THSD7B: variants seen among roughly 807,000 people sequenced by gnomAD.
THSD7B encodes thrombospondin type 1 domain containing 7B.
A neutral mutation model predicts 213.6 loss-of-function variants in THSD7B; 138 were observed. The ratio of observed to expected loss-of-function variants is 0.65; its 90% CI spans 0.56 to 0.74. The LOEUF (loss-of-function observed/expected upper bound fraction) is 0.74. Ranked by LOEUF, THSD7B falls within the 30% of genes least tolerant of loss-of-function variation. The pLI is 0.00. For missense variants in THSD7B, 1,931 were observed against 1,991.5 expected, an observed-to-expected ratio of 0.97 and a Z score of 0.58; for synonymous variants, 742 against 687.0, an observed-to-expected ratio of 1.08 and a Z score of -1.25.
At chr2:137,242,703 T>C in intron 10 of THSD7B, 131 bp downstream of exon 10, 5 of 631,328 alleles carry the variant, frequency 7.9e-6, no homozygotes, top group Non-Finnish European at 1.4e-5. Context: ...GGAAACAAGT[T>C]TGGTAAAGTT....
At chr2:136,848,650 C>T (rs1683048063) in intron 1 of THSD7B, among the ~76,000 whole-genome samples, 1 of 152,022 alleles carries the variant, frequency 6.6e-6, no homozygotes, top group Admixed American at 6.6e-5. Context: ...TTTATTGTAT[C>T]TTTTAATCCA....
chr2:137,620,521 A>G, intron 19 of THSD7B, 88 bp from the exon 20 acceptor site: 2 of 955,958 alleles, frequency 2.1e-6, no homozygotes, highest in Non-Finnish European at 1.6e-6. Flanking sequence ...ATTATCACAG[A>G]GTAAAGGAAA....
chr2:137,516,141 C>T (rs1008930890), intron 15 of THSD7B, among the ~76,000 whole-genome samples: 3 of 152,224 alleles, frequency 2.0e-5, no homozygotes, highest in Non-Finnish European at 4.4e-5. Flanking sequence ...GGCAAAGCAG[C>T]AGTTAGAATA....
chr2:137,457,903 T>TA (rs1687793160), intron 15 of THSD7B, among the ~76,000 whole-genome samples: 2 of 152,188 alleles, frequency 1.3e-5, no homozygotes, highest in Non-Finnish European at 2.9e-5. Flanking sequence ...GACACTTCTG[T>TA]AAGCGATGAT....
intron 18 of THSD7B, among the ~76,000 whole-genome samples, chr2:137,617,404 C>A (rs533923638): frequency 4.6e-5 from 7 of 152,248 alleles, no homozygotes; most frequent in Admixed American, 4.6e-4. Flanking sequence ...ATCAAATTAA[C>A]TTTGGGATAA....
chr2:137,361,766 C>CTGAAAG lies in THSD7B; in HGVS notation c.2501-43843_2501-43838dup, dbSNP rs774113415. Among the ~76,000 whole-genome samples the CTGAAAG allele has an allele frequency of 2.7e-3, 417 of 152,242 alleles. 2 individuals carry two copies. The highest frequency in any genetic ancestry group is 0.01 in the Middle Eastern group (3 of 294). Reference sequence around the variant, plus strand: ...CCAAATCTACGTTTGATTGGTGTACCTGAAAGTGACGGGGAGAATGGAACC... The same window carrying CTGAAAG: ...CCAAATCTACGTTTGATTGGTGTACCTGAAAGTGAAAGTGACGGGGAGAATGGAACC... On this transcript the variant is annotated intron_variant, in intron 12 of 27. Transcript: ENST00000409968.
chr2:137,521,500 C>A (rs531713204), intron 15 of THSD7B, among the ~76,000 whole-genome samples: 14 of 152,294 alleles, frequency 9.2e-5, no homozygotes, highest in African/African-American at 3.4e-4. Flanking sequence ...CCCCATCCCT[C>A]TTTTTCTTCT....
intron 14 of THSD7B, among the ~76,000 whole-genome samples, chr2:137,425,028 C>G (rs1052160997): frequency 2.0e-5 from 3 of 150,456 alleles, no homozygotes; most frequent in African/African-American, 7.3e-5. Context: ...GCGGAGATCG[C>G]GCCACTGCAC....
intron 3 of THSD7B, among the ~76,000 whole-genome samples, chr2:137,092,277 G>A (rs181025958): frequency 1.3e-5 from 2 of 152,110 alleles, no homozygotes; most frequent in East Asian, 3.9e-4. Flanking sequence ...GACAGTTGTG[G>A]TGTTGTGCAT....
chr2:136,770,337 C>T (rs1681482489), intron 1 of THSD7B, among the ~76,000 whole-genome samples: 2 of 152,246 alleles, frequency 1.3e-5, no homozygotes, highest in East Asian at 3.9e-4. Flanking sequence ...CTGGGCTCTC[C>T]TCTATTGATT....
chr2:137,331,970 G>A (rs1265808840), intron 12 of THSD7B, among the ~76,000 whole-genome samples: 2 of 152,158 alleles, frequency 1.3e-5, no homozygotes, highest in African/African-American at 4.8e-5. Context: ...CACAGCCCCG[G>A]TTCCCACTCG....
At chr2:137,461,253 A>G (rs930549608) in intron 15 of THSD7B, among the ~76,000 whole-genome samples, 2 of 152,142 alleles carry the variant, frequency 1.3e-5, no homozygotes, top group Non-Finnish European at 2.9e-5. Flanking sequence ...TTGCTAGATC[A>G]TAGGATATGT....
intron 12 of THSD7B, among the ~76,000 whole-genome samples, chr2:137,372,782 G>A (rs1471943349): frequency 6.6e-6 from 1 of 151,698 alleles, no homozygotes; most frequent in Non-Finnish European, 1.5e-5. Flanking sequence ...GTGCCATGCT[G>A]GTGTGCTGCA....
At chr2:136,846,475 G>A (rs184417202) in intron 1 of THSD7B, among the ~76,000 whole-genome samples, 3 of 152,194 alleles carry the variant, frequency 2.0e-5, no homozygotes, top group Admixed American at 2.0e-4. Context: ...TGAGAAGCAG[G>A]AGCAACACCC....
intron 10 of THSD7B, among the ~76,000 whole-genome samples, chr2:137,260,266 AAC>A (rs1186817451): frequency 2.0e-5 from 3 of 152,204 alleles, no homozygotes; most frequent in Non-Finnish European, 4.4e-5. Flanking sequence ...TGATATTAAA[AAC>A]AGTTTTAAAG....
intron 14 of THSD7B, among the ~76,000 whole-genome samples, chr2:137,426,546 A>G (rs1687059710): frequency 6.6e-6 from 1 of 152,158 alleles, no homozygotes; most frequent in African/African-American, 2.4e-5. Flanking sequence ...ATCTTTGACA[A>G]AGTTACCAAG....
chr2:137,025,249 A>G (rs1336956379), intron 2 of THSD7B, among the ~76,000 whole-genome samples: 2 of 152,078 alleles, frequency 1.3e-5, no homozygotes, highest in African/African-American at 2.4e-5. Context: ...ATTGGTCTAT[A>G]TCTTAAGAGT....
At chr2:137,074,682 G>C (rs1360662071) in intron 3 of THSD7B, among the ~76,000 whole-genome samples, 4 of 152,158 alleles carry the variant, frequency 2.6e-5, no homozygotes, top group Non-Finnish European at 5.9e-5. Flanking sequence ...TCCTAGCCTT[G>C]ACGGTCTTTA....
chr2:137,088,475 A>G (rs1028220497), intron 3 of THSD7B, among the ~76,000 whole-genome samples: 5 of 152,032 alleles, frequency 3.3e-5, no homozygotes, highest in African/African-American at 1.2e-4. Flanking sequence ...TACAAAAATC[A>G]ACTTAAGATG....
Sources: gnomAD v4.1 joint callset for allele counts (sites outside exome capture counted in the v4.1 genomes callset) on GRCh38, gnomAD v4.1.1 for gene constraint, MANE v1.5 for transcripts, NCBI Gene and HGNC (gene_info 2026-07-23, HGNC 2026-07-21) for gene names.